MAJIN: variants seen among roughly 807,000 people sequenced by gnomAD.
The protein encoded by MAJIN is membrane-anchored junction protein.
A neutral mutation model predicts 30.2 loss-of-function variants in MAJIN; 27 were observed. The observed-to-expected ratio is 0.89, with a 90% CI of 0.66 to 1.23. The LOEUF (loss-of-function observed/expected upper bound fraction) is 1.23, where lower values mean the gene tolerates loss of function less well. Among genes scored for constraint, MAJIN ranks in the 50% most tolerant of loss-of-function variants. The pLI is 0.00. For synonymous variants in MAJIN, 78 were observed against 91.6 expected (o/e 0.85, Z 0.85); for missense variants, 253 against 260.3 (o/e 0.97, Z 0.19).
chr11:64,959,546 C>T, intron 2 of MAJIN, 124 bp from the exon 3 acceptor site: 1 of 665,328 alleles, frequency 1.5e-6, no homozygotes, highest in South Asian at 1.9e-5. Flanking sequence ...GCACTACTGC[C>T]TACGTACCAG....
chr11:64,954,284 C>T (rs1006652732), intron 4 of MAJIN: 24 of 251,840 alleles, frequency 9.5e-5, no homozygotes, highest in South Asian at 3.1e-4. Flanking sequence ...CTAGAGGAAC[C>T]GGGTAGAAAG....
chr11:64,953,808 C>T (rs1245363490), intron 4 of MAJIN, among the ~76,000 whole-genome samples: 2 of 151,930 alleles, frequency 1.3e-5, no homozygotes, highest in Non-Finnish European at 2.9e-5. Flanking sequence ...AACAAACAAA[C>T]AAACAAAAAA....
Position 64,947,459 on chromosome 11 carries a change from C to G in MAJIN, c.388G>C (p.Val130Leu), listed in dbSNP as rs752600860. 4 of 1,613,826 alleles carry G rather than the reference C, an allele frequency of 2.5e-6. No individual in the cohort carries two copies. The highest frequency in any genetic ancestry group is 3.4e-6 in the Non-Finnish European group (4 of 1,179,932). The change falls in exon 8 of 11, where the codon GTT becomes CTT. Residue 130 changes from valine (V) to leucine (L), a missense_variant. Transcript: ENST00000301896. ...ACAGCTCCTACTGCTTTCTTCTCAA[C>G]TGGGACCTTCAGGAGGAAGCAGATG... Reference protein sequence around the residue: ...ISDSPLGLVPVEKKAVGAVMR... With the variant: ...ISDSPLGLVPLEKKAVGAVMR...
At chr11:64,949,624 G>A in intron 6 of MAJIN, 119 bp downstream of exon 6, 5 of 1,309,366 alleles carry the variant, frequency 3.8e-6, no homozygotes, top group Non-Finnish European at 5.2e-6. Flanking sequence ...TGGAGCACAT[G>A]ATCCTGACCT....
At chr11:64,956,797 G>A (rs113045769) in intron 3 of MAJIN, among the ~76,000 whole-genome samples, 6,525 of 97,722 alleles carry the variant, frequency 0.067, 175 homozygotes, top group Middle Eastern at 0.18. Flanking sequence ...ATGTTGTTTC[G>A]CTCTTGTTGC....
At chr11:64,952,171 G>T (rs1428036558) in intron 4 of MAJIN, among the ~76,000 whole-genome samples, 44 of 152,052 alleles carry the variant, frequency 2.9e-4, no homozygotes, top group Non-Finnish European at 1.2e-4. Flanking sequence ...TTACAGGCAT[G>T]AGCGACCACG....
chr11:64,938,445 A>C lies in MAJIN; in HGVS notation c.*130T>G. The C allele has an allele frequency of 7.0e-7, 1 of 1,434,758 alleles. No homozygotes were observed. Among genetic ancestry groups the C allele is most frequent in the Non-Finnish European group, 9.5e-7 (1 of 1,055,692 alleles). The allele number at this position is 1,434,758 out of a possible 1,614,324, so 88.9% of individuals were successfully genotyped here. A position where few individuals can be genotyped will look rare whatever the true frequency, so the allele number is the denominator to read the frequency against. ...CCCACGACTGAAGTGTCATAAGAAA[A>C]GGATAGAGTTGGAGGAAGAATGGCT... On this transcript the variant is annotated 3_prime_UTR_variant, in exon 11 of 11. Coordinates refer to ENST00000301896, the MANE Select transcript of MAJIN (RefSeq NM_001037225.3).
rs12274449 is a variant in MAJIN, at chr11:64,953,156, C to T, written c.147+1601G>A. Among the ~76,000 whole-genome samples the T allele has an allele frequency of 2.3e-3, 349 of 152,240 alleles. 3 individuals carry two copies. Among genetic ancestry groups the T allele is most frequent in the African/African-American group, 7.6e-3 (314 of 41,530 alleles). ...TACTCTCGAGCTACTAATTATTGAG[C>T]TACTGTGTGGCAGGCATTGCAGACA... is the stretch of plus-strand genomic sequence containing the variant. On this transcript the variant is annotated intron_variant, in intron 4 of 10. Coordinates refer to ENST00000301896, the MANE Select transcript of MAJIN (RefSeq NM_001037225.3).
intron 8 of MAJIN, 26 bp from the exon 9 acceptor site, chr11:64,940,672 C>A (rs199784971): frequency 1.9e-6 from 3 of 1,604,560 alleles, no homozygotes; most frequent in Non-Finnish European, 1.7e-6. Context: ...CCAAGAAAAG[C>A]CTTAAACTTT....
At chr11:64,967,407 AAAAAAGAAAAAGAAAAAAG>A (rs1945828995) in intron 1 of MAJIN, among the ~76,000 whole-genome samples, 9 of 150,072 alleles carry the variant, frequency 6.0e-5, no homozygotes, top group Admixed American at 4.1e-4. Context: ...ACTCTGTCTC[AAAAAAGAAAAAGAAAAAAG>A]AAAAAGAAAA....
intron 3 of MAJIN, among the ~76,000 whole-genome samples, chr11:64,959,045 C>T (rs1234840990): frequency 7.4e-6 from 1 of 135,258 alleles, no homozygotes; most frequent in Non-Finnish European, 1.5e-5. Flanking sequence ...TGCTTGAGGA[C>T]AGGGGTTTGA....
rs1057442855 is a variant in MAJIN, at chr11:64,939,707, G to A, written c.607C>T (p.Leu203Phe). 3 of 1,614,122 alleles carry A rather than the reference G, an allele frequency of 1.9e-6. No individual in the cohort carries two copies. Among genetic ancestry groups the A allele is most frequent in the East Asian group, 2.2e-5 (1 of 44,882 alleles). The stretch of plus-strand genomic sequence containing the variant: ...GGTGGCTGCTCGCTCCTTAGGTGGA[G>A]GTGAGTTGTGCTGCAGGGGTGGGAC... ...ELSHPCSTTHLHLRSEQPPAS... is the reference protein window; with the variant it reads ...ELSHPCSTTHFHLRSEQPPAS... Residue 203 changes from leucine to phenylalanine, a missense_variant, in exon 10 of 11, where the codon CTC (leucine) becomes TTC (phenylalanine). Physicochemically the swap from Leu to Phe is conservative, Grantham distance 22. Coordinates refer to ENST00000301896, the MANE Select transcript of MAJIN (RefSeq NM_001037225.3).
intron 9 of MAJIN, among the ~76,000 whole-genome samples, chr11:64,940,296 C>T (rs767503832): frequency 6.6e-6 from 1 of 152,154 alleles, no homozygotes; most frequent in Non-Finnish European, 1.5e-5. Flanking sequence ...TCACCTCACT[C>T]GGAAATGTTT....
At chr11:64,958,581 G>A (rs1264481923) in intron 3 of MAJIN, among the ~76,000 whole-genome samples, 1 of 121,972 alleles carries the variant, frequency 8.2e-6, no homozygotes, top group African/African-American at 3.0e-5. Context: ...CACTACATGT[G>A]AAACCCTGTC....
intron 4 of MAJIN, among the ~76,000 whole-genome samples, chr11:64,951,983 G>T (rs915074364): frequency 1.3e-5 from 2 of 151,840 alleles, no homozygotes; most frequent in South Asian, 4.2e-4. Flanking sequence ...CCACCTCCTG[G>T]GTTCAAGCAG....
intron 9 of MAJIN, 102 bp downstream of exon 9, chr11:64,940,472 G>T: frequency 8.2e-7 from 1 of 1,216,278 alleles, no homozygotes; most frequent in African/African-American, 1.5e-5. Flanking sequence ...ATTACCCACT[G>T]AGGGCACCCA....
intron 8 of MAJIN, chr11:64,945,977 G>T: frequency 9.6e-7 from 1 of 1,037,222 alleles, no homozygotes; most frequent in Non-Finnish European, 1.3e-6. Flanking sequence ...AATTCAATCT[G>T]CACGAAAAAC....
At chr11:64,971,427 C>CAAAAA (rs35873962) in intron 1 of MAJIN, among the ~76,000 whole-genome samples, 1 of 68,800 alleles carries the variant, frequency 1.5e-5, no homozygotes, top group Non-Finnish European at 2.8e-5. Context: ...GACCCCGCCT[C>CAAAAA]AAAAAAAAAA....
At chr11:64,941,143 TGTC>T (rs1331966991) in intron 8 of MAJIN, among the ~76,000 whole-genome samples, 3 of 152,058 alleles carry the variant, frequency 2.0e-5, no homozygotes, top group Non-Finnish European at 4.4e-5. Context: ...CAGCCAGGAC[TGTC>T]GTTTTTTCAT....
Sources: gnomAD v4.1 joint callset for allele counts (sites outside exome capture counted in the v4.1 genomes callset) on GRCh38, gnomAD v4.1.1 for gene constraint, MANE v1.5 for transcripts, NCBI Gene and HGNC (gene_info 2026-07-23, HGNC 2026-07-21) for gene names.